The following CCSER1 variants were observed in gnomAD, a reference collection of about 807,000 sequenced individuals.
CCSER1 encodes serine-rich coiled-coil domain-containing protein 1.
CCSER1 carries 41 observed loss-of-function variants against 82.0 expected under a neutral mutation model. The observed-to-expected ratio is 0.50, with a 90% confidence interval of 0.39 to 0.65. The LOEUF (loss-of-function observed/expected upper bound fraction) is 0.65, where lower values mean the gene tolerates loss of function less well. Among genes scored for constraint, CCSER1 ranks in the 30% least tolerant of loss-of-function variants. The pLI is 0.00. For synonymous variants in CCSER1, 414 were observed against 383.9 expected (o/e 1.08, Z -0.92); for missense variants, 1,119 against 1,064.2 (o/e 1.05, Z -0.72).
intron 6 of CCSER1, among the ~76,000 whole-genome samples, chr4:90,647,821 A>G (rs1727859686): frequency 6.6e-6 from 1 of 152,166 alleles, no homozygotes; most frequent in Non-Finnish European, 1.5e-5. Context: ...AAGAAATTTC[A>G]AGATAGTAAG....
chr4:90,562,345 G>A (rs1028823511), intron 5 of CCSER1, among the ~76,000 whole-genome samples: 2 of 151,920 alleles, frequency 1.3e-5, no homozygotes, highest in East Asian at 3.9e-4. Flanking sequence ...CATCAGGTTA[G>A]TTTAATATCC....
chr4:90,975,527 G>T (rs917849467), intron 9 of CCSER1, among the ~76,000 whole-genome samples: 1 of 151,168 alleles, frequency 6.6e-6, no homozygotes, highest in Non-Finnish European at 1.5e-5. Context: ...CAGTAAAGCT[G>T]TTATAAAAGA....
At chr4:90,574,856 A>G (rs1246990482) in intron 5 of CCSER1, among the ~76,000 whole-genome samples, 1 of 152,094 alleles carries the variant, frequency 6.6e-6, no homozygotes, top group Non-Finnish European at 1.5e-5. Flanking sequence ...CCCTCCAAAC[A>G]TCACAAACTT....
rs1251065124 is a variant in CCSER1, at chr4:91,602,357, C to A, written c.*3300C>A. On this transcript the variant is annotated 3_prime_UTR_variant, in exon 11 of 11. Transcript: ENST00000509176. The stretch of plus-strand genomic sequence containing the variant: ...GTTTAATAGAGATAATAACCATACA[C>A]CCCTCTCCAGAAAAAAGTTTTTAAA... Among the ~76,000 whole-genome samples the A allele has an allele frequency of 6.6e-6, 1 of 151,834 alleles. No individual in the cohort carries two copies. The highest frequency in any genetic ancestry group is 2.4e-5 in the African/African-American group (1 of 41,406).
intron 1 of CCSER1, among the ~76,000 whole-genome samples, chr4:90,156,355 T>C (rs1416401482): frequency 6.6e-6 from 1 of 152,178 alleles, no homozygotes; most frequent in East Asian, 1.9e-4. Context: ...TTCTGTTGAT[T>C]TGGGGTGGAG....
rs866607257 is a variant in CCSER1, at chr4:91,486,402, A to G, written c.2218-112170A>G. ...AGAGACACTTTTTTGAAATATTACA[A>G]TGCCTTTTAAAACTTTTAGCCTTCA... On this transcript the variant is annotated intron_variant, in intron 10 of 10. Transcript: ENST00000509176. 2.6e-5 allele frequency among the ~76,000 whole-genome samples: 4 copies of G among 152,038 alleles called. No individual in the cohort carries two copies. In the South Asian group the frequency reaches 8.3e-4, roughly 31 times the overall value.
chr4:91,434,622 A>G (rs1274911441), intron 10 of CCSER1, among the ~76,000 whole-genome samples: 5 of 152,200 alleles, frequency 3.3e-5, no homozygotes, highest in African/African-American at 9.6e-5. Flanking sequence ...ACAGCTTTCC[A>G]TAACTGGTAT....
intron 2 of CCSER1, among the ~76,000 whole-genome samples, chr4:90,312,112 A>G (rs1561006342): frequency 6.6e-6 from 1 of 152,232 alleles, no homozygotes; most frequent in Non-Finnish European, 1.5e-5. Context: ...AAAGGTTTGA[A>G]GGAACTTAAA....
intron 1 of CCSER1, among the ~76,000 whole-genome samples, chr4:90,161,238 C>T (rs996587249): frequency 1.3e-5 from 2 of 152,088 alleles, no homozygotes; most frequent in African/African-American, 2.4e-5. Flanking sequence ...ACACAGTATT[C>T]ACCTTCATGC....
chr4:90,475,133 A>G (rs536216709), intron 5 of CCSER1, among the ~76,000 whole-genome samples: 6 of 152,338 alleles, frequency 3.9e-5, no homozygotes, highest in African/African-American at 1.4e-4. Flanking sequence ...AATGTCCACA[A>G]TATAAGTAAA....
chr4:91,354,984 A>G (rs1049792031), intron 10 of CCSER1, among the ~76,000 whole-genome samples: 4 of 152,146 alleles, frequency 2.6e-5, no homozygotes, highest in Non-Finnish European at 5.9e-5. Flanking sequence ...TTTTCCATCA[A>G]TGCCTAATGA....
At position 91,304,247 on chromosome 4, in the gene CCSER1, A is replaced by G. The variant is rs186369699; in HGVS notation, c.2217+218253A>G. Among the ~76,000 whole-genome samples the G allele has an allele frequency of 2.3e-3, 354 of 152,248 alleles. 8 individuals are homozygous for G. Among genetic ancestry groups the G allele is most frequent in the Admixed American group, 0.02 (304 of 15,284 alleles). ...TATTGAAAGCTAGTTGATTAAATAG[A>G]ACTGTTTAAAAGATAACAAAACCAC... On this transcript the variant is annotated intron_variant, in intron 10 of 10. Transcript: ENST00000509176.
chr4:90,774,772 A>T lies in CCSER1; in HGVS notation c.2011-40990A>T, dbSNP rs538314991. ...CTTGGTGATGAGCCTGGCATATGAA[A>T]CAATTTCCTACAGTAATAAAACTAA... On this transcript the variant is annotated intron_variant, in intron 7 of 10. Coordinates refer to ENST00000509176, the MANE Select transcript of CCSER1 (RefSeq NM_001145065.2). Among the ~76,000 whole-genome samples, 14 of 152,188 alleles carry T rather than the reference A, an allele frequency of 9.2e-5. No homozygotes were observed. The South Asian group carries it at 2.5e-3, about 27-fold the overall frequency.
intron 10 of CCSER1, among the ~76,000 whole-genome samples, chr4:91,121,615 G>A (rs1029011957): frequency 3.3e-5 from 5 of 151,534 alleles, no homozygotes; most frequent in Non-Finnish European, 7.4e-5. Context: ...TTTCAAATAT[G>A]CACTATTAAC....
At position 91,128,869 on chromosome 4, in the gene CCSER1, G is replaced by A. The variant is rs190918400; in HGVS notation, c.2217+42875G>A. Reference sequence around the variant, plus strand: ...TGAATTTTCTCAGGTGGGTAACTAGGGACAACATTGGGAAATCTGAATAGT... The same window carrying A: ...TGAATTTTCTCAGGTGGGTAACTAGAGACAACATTGGGAAATCTGAATAGT... On this transcript the variant is annotated intron_variant, in intron 10 of 10. Transcript: ENST00000509176. Among the ~76,000 whole-genome samples, 864 of 152,018 alleles carry A rather than the reference G, an allele frequency of 5.7e-3. 3 individuals carry two copies. The highest frequency in any genetic ancestry group is 8.4e-3 in the Non-Finnish European group (572 of 67,950).
At chr4:91,099,923 A>G (rs1405844896) in intron 10 of CCSER1, among the ~76,000 whole-genome samples, 1 of 152,190 alleles carries the variant, frequency 6.6e-6, no homozygotes, top group Admixed American at 6.5e-5. Context: ...CCAGGAAGAA[A>G]AAAAACTAGC....
intron 10 of CCSER1, among the ~76,000 whole-genome samples, chr4:91,380,658 T>A (rs1750814818): frequency 1.3e-5 from 2 of 152,202 alleles, no homozygotes; most frequent in Middle Eastern, 3.2e-3. Context: ...GTGAGATGGA[T>A]CTCCTGAATA....
At chr4:90,833,678 G>GT (rs1761418698) in intron 8 of CCSER1, among the ~76,000 whole-genome samples, 1 of 152,140 alleles carries the variant, frequency 6.6e-6, no homozygotes, top group South Asian at 2.1e-4. Context: ...ATTATTCTTA[G>GT]TAGACAAAAT....
chr4:91,413,158 G>A lies in CCSER1; in HGVS notation c.2218-185414G>A, dbSNP rs148674935. 3.7e-3 allele frequency among the ~76,000 whole-genome samples: 570 copies of A among 152,218 alleles called. 2 individuals are homozygous for A. Among genetic ancestry groups the A allele is most frequent in the African/African-American group, 0.013 (553 of 41,554 alleles). On this transcript the variant is annotated intron_variant, in intron 10 of 10. Transcript: ENST00000509176. The stretch of plus-strand genomic sequence containing the variant: ...GAAGACTTAGTAAACTCAAAGATAG[G>A]TTGGCCAGGCATGGTAGCTCACTCC...
Sources: allele counts gnomAD v4.1 joint callset (sites outside exome capture counted in the v4.1 genomes callset), GRCh38; gene constraint gnomAD v4.1.1; transcripts MANE v1.5; gene names NCBI Gene and HGNC (gene_info 2026-07-23, HGNC 2026-07-21).